The following MAT2A variants were observed in gnomAD, a reference collection of about 807,000 sequenced individuals.
MAT2A encodes methionine adenosyltransferase 2A, also known as S-adenosylmethionine synthase isoform type-2.
In MAT2A, 3 loss-of-function variants were observed where a neutral mutation model predicts 43.9. The observed-to-expected ratio is 0.07, with a 90% CI of 0.03 to 0.18. MAT2A has a LOEUF of 0.18. Among genes scored for constraint, MAT2A ranks in the 10% least tolerant of loss-of-function variants. The probability of loss-of-function intolerance (pLI) is 1.00; values close to 1 mark genes in which losing one functional copy is unlikely to be tolerated. For missense variants in MAT2A, 204 were observed against 489.0 expected, an observed-to-expected ratio of 0.42 and a Z score of 5.50; for synonymous variants, 200 against 168.4, an observed-to-expected ratio of 1.19 and a Z score of -1.45.
chr2:85,541,447 G>A lies in MAT2A; in HGVS notation c.292+70G>A, dbSNP rs116670686. ...TGAGGTTTGAAGAAACTCCTAGAAT[G>A]TTCCTGCTAATCCTAAACTCCAGTT... On this transcript the variant is annotated intron_variant, in intron 3 of 8. Transcript: ENST00000306434. The A allele has an allele frequency of 0.032, 50,377 of 1,557,754 alleles. 1,059 individuals are homozygous for A. The highest frequency in any genetic ancestry group is 0.034 in the Non-Finnish European group (39,087 of 1,145,648).
intron 5 of MAT2A, 40 bp from the exon 6 acceptor site, chr2:85,542,115 T>C (rs753757276): frequency 4.4e-6 from 7 of 1,586,792 alleles, no homozygotes; most frequent in Admixed American, 3.3e-5. Flanking sequence ...ACAAAGTTAT[T>C]GTTTGGTGTG....
intron 1 of MAT2A, 186 bp downstream of exon 1, chr2:85,539,564 TC>T (rs1691404686): frequency 1.0e-5 from 5 of 480,648 alleles, no homozygotes; most frequent in Non-Finnish European, 1.9e-5. Context: ...CCGCTCCTCT[TC>T]CCCCTCCCCT....
chr2:85,539,236 G>A lies in MAT2A; in HGVS notation c.-52G>A, dbSNP rs957241269. The stretch of plus-strand genomic sequence containing the variant: ...GCAGCTTGCGCATTTCGCAGCCGCT[G>A]CCGCCTCGCCGCTGCTCCTTCGTAA... On this transcript the variant is annotated 5_prime_UTR_variant, in exon 1 of 9. Coordinates refer to ENST00000306434, the MANE Select transcript of MAT2A (RefSeq NM_005911.6). The A allele has an allele frequency of 4.5e-6, 6 of 1,339,392 alleles. No homozygotes were observed. Among genetic ancestry groups the A allele is most frequent in the Non-Finnish European group, 6.3e-6 (6 of 952,880 alleles). The allele number at this position is 1,339,392 out of a possible 1,614,324, so 83.0% of individuals were successfully genotyped here. A position where few individuals can be genotyped will look rare whatever the true frequency, so the allele number is the denominator to read the frequency against.
In MAT2A at chr2:85,544,321, CCAAT is replaced by C. The variant is rs901047641; in HGVS notation, c.*555_*558del. On this transcript the variant is annotated 3_prime_UTR_variant, in exon 9 of 9. Transcript: ENST00000306434. ...CTCTTTGTCAGGGAGTGTTCCCTAT[CCAAT>C]CAATCTTGCATGTAACGCAAGTTCC... The C allele has an allele frequency of 2.0e-5, 3 of 152,634 alleles. No homozygotes were observed. Among genetic ancestry groups the C allele is most frequent in the African/African-American group, 4.8e-5 (2 of 41,438 alleles). 9.5% of individuals were successfully genotyped at this position (152,634 alleles called of 1,614,324 possible).
rs752025192 is a variant in MAT2A at position 85,541,355 on chromosome 2, T to G, written c.270T>G (p.Ile90Met). The G allele has an allele frequency of 6.2e-7, 1 of 1,613,396 alleles. No individual in the cohort carries two copies. The highest frequency in any genetic ancestry group is 8.5e-7 in the Non-Finnish European group (1 of 1,179,926). Residue 90 changes from isoleucine (I) to methionine (M), a missense_variant, in exon 3 of 9, where the codon ATT (isoleucine) becomes ATG (methionine). Physicochemically the swap from Ile to Met is conservative, Grantham distance 10 (BLOSUM62 1). Coordinates refer to ENST00000306434, the MANE Select transcript of MAT2A (RefSeq NM_005911.6). The stretch of plus-strand genomic sequence containing the variant: ...TGGTTCGTGAAGCTGTTAAACACAT[T>G]GGATATGATGATTCTTCCAAAGGTG... Reference protein sequence around the residue: ...QKVVREAVKHIGYDDSSKGFD... With the variant: ...QKVVREAVKHMGYDDSSKGFD...
At chr2:85,541,545 C>T (rs763168024) in intron 3 of MAT2A, 88 bp from the exon 4 acceptor site, 40 of 1,309,890 alleles carry the variant, frequency 3.1e-5, no homozygotes, top group Non-Finnish European at 3.9e-5. Context: ...TATTTGATTT[C>T]TTCAGCAGTG....
chr2:85,539,776 C>T (rs1161278846), intron 1 of MAT2A: 1 of 158,410 alleles, frequency 6.3e-6, no homozygotes, highest in Non-Finnish European at 1.4e-5. Context: ...GTCCGGCCCT[C>T]GGGAGCGCGC....
At chr2:85,541,450 C>A in intron 3 of MAT2A, 73 bp downstream of exon 3, 1 of 1,540,262 alleles carries the variant, frequency 6.5e-7, no homozygotes, top group Admixed American at 1.9e-5. Flanking sequence ...CTAGAATGTT[C>A]CTGCTAATCC....
rs1448798577 is a variant in MAT2A at position 85,542,260 on chromosome 2, A to C, written c.655A>C (p.Arg219=). 3.7e-6 allele frequency: 6 copies of C among 1,613,998 alleles called. No individual in the cohort carries two copies. The highest frequency in any genetic ancestry group is 5.1e-6 in the Non-Finnish European group (6 of 1,179,966). Residue 219 remains arginine (R), a synonymous_variant, in exon 6 of 9, where the codon AGG becomes CGG. Coordinates refer to ENST00000306434, the MANE Select transcript of MAT2A (RefSeq NM_005911.6). ...TGAAGAGGTTTGTCTTGATGAAATG[A>C]GGGATGCCCTAAAGGAGAAAGTCAT... is the stretch of plus-strand genomic sequence containing the variant. ...HDEEVCLDEM[R]DALKEKVIKA...
chr2:85,541,477 C>G (rs1286441656), intron 3 of MAT2A, 100 bp downstream of exon 3: 1 of 1,434,664 alleles, frequency 7.0e-7, no homozygotes, highest in African/African-American at 1.4e-5. Context: ...CCAGTTGTAT[C>G]TTACTATACA....
chr2:85,542,945 T>C lies in MAT2A; in HGVS notation c.996T>C (p.Ile332=), dbSNP rs1314988891. 6.2e-7 allele frequency: 1 copy of C among 1,613,762 alleles called. No individual in the cohort carries two copies. Among genetic ancestry groups the C allele is most frequent in the Non-Finnish European group, 8.5e-7 (1 of 1,179,914 alleles). ...TTTCTCATCCATTATCTATCTCCAT[T>C]TTCCATTATGGTACCTCTCAGAAGA... ...IGVSHPLSIS[I]FHYGTSQKSE... The change falls in exon 8 of 9, where the codon ATT becomes ATC. Residue 332 remains isoleucine, a synonymous_variant. Coordinates refer to ENST00000306434, the MANE Select transcript of MAT2A (RefSeq NM_005911.6).
chr2:85,541,517 G>A (rs1691477154), intron 3 of MAT2A, 116 bp from the exon 4 acceptor site: 2 of 1,303,200 alleles, frequency 1.5e-6, no homozygotes, highest in Non-Finnish European at 1.1e-6. Context: ...TTCTCTAAAA[G>A]GTCCGATGGT....
intron 8 of MAT2A, 199 bp from the exon 9 acceptor site, chr2:85,543,471 C>T (rs749353179): frequency 4.2e-5 from 20 of 475,642 alleles, no homozygotes; most frequent in Admixed American, 1.2e-4. Flanking sequence ...GAGCCAGGGA[C>T]GGAAAAACAA....
chr2:85,541,861 T>C lies in MAT2A; in HGVS notation c.438T>C (p.Thr146=), dbSNP rs143610695. The C allele has an allele frequency of 5.5e-4, 889 of 1,614,146 alleles. No homozygotes were observed. The highest frequency in any genetic ancestry group is 6.5e-4 in the Non-Finnish European group (767 of 1,180,040). The part of the protein sequence containing the change: ...GLMFGYATDE[T]EECMPLTIVL... Reference sequence around the variant, plus strand: ...TGTTTGGCTATGCCACTGATGAAACTGAGGAGTGTATGCCTTTAACCATTG... The same window carrying C: ...TGTTTGGCTATGCCACTGATGAAACCGAGGAGTGTATGCCTTTAACCATTG... Residue 146 remains threonine, a synonymous_variant, in exon 5 of 9, where the codon ACT becomes ACC. Transcript: ENST00000306434.
At chr2:85,542,128 G>A (rs372275673) in intron 5 of MAT2A, 27 bp from the exon 6 acceptor site, 1 of 1,598,182 alleles carries the variant, frequency 6.3e-7, no homozygotes. Context: ...TTGGTGTGAT[G>A]TTCTGATGAC....
At chr2:85,543,475 A>G in intron 8 of MAT2A, 195 bp from the exon 9 acceptor site, 1 of 484,580 alleles carries the variant, frequency 2.1e-6, no homozygotes, top group Non-Finnish European at 3.7e-6. Context: ...CAGGGACGGA[A>G]AAACAACTAT....
intron 1 of MAT2A, chr2:85,539,613 C>T (rs985583560): frequency 7.5e-6 from 3 of 398,520 alleles, no homozygotes; most frequent in Non-Finnish European, 1.3e-5. Context: ...TTCATTCGGT[C>T]GCGCGCCTAG....
At chr2:85,539,558 T>TCCTCTTCCCCCTCC in intron 1 of MAT2A, 180 bp downstream of exon 1, 1 of 484,536 alleles carries the variant, frequency 2.1e-6, no homozygotes, top group East Asian at 3.7e-5. Context: ...TGGCCGCCGC[T>TCCTCTTCCCCCTCC]CCTCTTCCCC....
At position 85,542,807 on chromosome 2, in the gene MAT2A, G is replaced by A. The variant is rs878896234; in HGVS notation, c.951+60G>A. 8 of 1,554,636 alleles carry A rather than the reference G, an allele frequency of 5.1e-6. No individual in the cohort carries two copies. In the South Asian group the frequency reaches 6.9e-5, roughly 13 times the overall value. On this transcript the variant is annotated intron_variant, in intron 7 of 8. Transcript: ENST00000306434. ...CATGTAAGTGGGAGGGTATTTAGTAGTAATCTACTTAACTACTTGTTTTAT... is the reference window on the plus strand; with the variant it reads ...CATGTAAGTGGGAGGGTATTTAGTAATAATCTACTTAACTACTTGTTTTAT...
Sources: allele counts gnomAD v4.1 joint callset, GRCh38; gene constraint gnomAD v4.1.1; transcripts MANE v1.5; gene names NCBI Gene and HGNC (gene_info 2026-07-23, HGNC 2026-07-21).